The following OGDHL variants were observed in gnomAD, a reference collection of about 807,000 sequenced individuals.
The protein encoded by OGDHL is 2-oxoglutarate dehydrogenase-like, mitochondrial.
Under a neutral mutation model 109.6 loss-of-function variants are expected in OGDHL, and 79 were observed. The observed-to-expected ratio is 0.72, with a 90% confidence interval of 0.60 to 0.87. The LOEUF (loss-of-function observed/expected upper bound fraction) is 0.87. OGDHL is among the 40% of genes least tolerant of loss of function. The pLI is 0.00. For synonymous variants in OGDHL, 528 were observed against 537.2 expected, an observed-to-expected ratio of 0.98 and a Z score of 0.24; for missense variants, 1,275 against 1,362.2, an observed-to-expected ratio of 0.94 and a Z score of 1.01.
rs1841331444 is a variant in OGDHL at position 49,737,968 on chromosome 10, G to A, written c.2496C>T (p.Ile832=). 4 of 1,614,050 alleles carry A rather than the reference G, an allele frequency of 2.5e-6. No individual in the cohort carries two copies. The highest frequency in any genetic ancestry group is 1.7e-5 in the Admixed American group (1 of 60,012). ...ANYFHVLRRQ[I]LLPFRKPLII... is the part of the protein sequence containing the mutation. ...TCACCGGCTTGCGGAAGGGCAGCAGGATCTGCCGGCGCAGCACGTGGAAGT... is the reference window on the plus strand; with the variant it reads ...TCACCGGCTTGCGGAAGGGCAGCAGAATCTGCCGGCGCAGCACGTGGAAGT... The change falls in exon 19 of 23, where the codon ATC becomes ATT. Residue 832 remains isoleucine, a synonymous_variant. Coordinates refer to ENST00000374103, the MANE Select transcript of OGDHL (RefSeq NM_018245.3).
rs151064450 is a variant in OGDHL at position 49,735,750 on chromosome 10, A to G, written c.2909+273T>C. Among the ~76,000 whole-genome samples the G allele has an allele frequency of 1.7e-3, 264 of 152,346 alleles. 1 individual carries two copies. Among genetic ancestry groups the G allele is most frequent in the African/African-American group, 4.1e-3 (169 of 41,576 alleles). On this transcript the variant is annotated intron_variant, in intron 22 of 22. Coordinates refer to ENST00000374103, the MANE Select transcript of OGDHL (RefSeq NM_018245.3). ...TAATACATACATCAGATCTAATCTT[A>G]TCACCGCCCTTTGTAGAGATGCAGG...
Position 49,751,016 on chromosome 10 carries a change from G to A in OGDHL, c.750-31C>T, listed in dbSNP as rs1842552149. ...TGGGGAGAGGATGGGAAGAGGAAAG[G>A]GAAAGGGATGGAGAGGGAGGGGACT... On this transcript the variant is annotated intron_variant, in intron 6 of 22. Coordinates refer to ENST00000374103, the MANE Select transcript of OGDHL (RefSeq NM_018245.3). 3.2e-6 allele frequency: 5 copies of A among 1,555,804 alleles called. No individual in the cohort carries two copies. In the African/African-American group the frequency reaches 6.8e-5, roughly 21 times the overall value.
In OGDHL at chr10:49,756,823, A is replaced by G. The variant is rs546170339; in HGVS notation, c.328T>C (p.Leu110=). ...TGCACAGCCAGGTGGTCCTCCACCA[A>G]TTTGCTGGTCTTGGTCCGACTTGAG... ...AVSSRTKTSK[L]VEDHLAVQSL... is the part of the protein sequence containing the mutation. The change falls in exon 3 of 23, where the codon TTG becomes CTG. Residue 110 remains leucine (L), a synonymous_variant. Coordinates refer to ENST00000374103, the MANE Select transcript of OGDHL (RefSeq NM_018245.3). The G allele has an allele frequency of 6.2e-7, 1 of 1,613,886 alleles. No individual in the cohort carries two copies. The highest frequency in any genetic ancestry group is 1.3e-5 in the African/African-American group (1 of 74,934).
chr10:49,756,866 A>G lies in OGDHL; in HGVS notation c.285T>C (p.His95=), dbSNP rs1190057797. 2 of 1,614,144 alleles carry G rather than the reference A, an allele frequency of 1.2e-6. No homozygotes were observed. The highest frequency in any genetic ancestry group is 1.7e-5 in the Admixed American group (1 of 60,028). ...SAQPRPPSVV[H]ESRSAVSSRT... is the part of the protein sequence containing the mutation. Reference sequence around the variant, plus strand: ...GACTTGAGACTGCAGACCTGCTCTCATGGACAACAGAAGGGGGCCGTGGCT... The same window carrying G: ...GACTTGAGACTGCAGACCTGCTCTCGTGGACAACAGAAGGGGGCCGTGGCT... The change falls in exon 3 of 23, where the codon CAT becomes CAC. Residue 95 remains histidine (H), a synonymous_variant. Transcript: ENST00000374103.
chr10:49,741,668 CCACACATACCACA>C (rs1005014881), intron 15 of OGDHL, among the ~76,000 whole-genome samples: 2 of 149,152 alleles, frequency 1.3e-5, no homozygotes, highest in Non-Finnish European at 3.0e-5. Flanking sequence ...CATACACATG[CCACACATACCACA>C]CACACATACA....
intron 15 of OGDHL, among the ~76,000 whole-genome samples, chr10:49,742,146 ACACACACAT>A (rs1841753753): frequency 1.2e-5 from 1 of 80,070 alleles, no homozygotes; most frequent in African/African-American, 6.9e-5. Context: ...CACCAAACAT[ACACACACAT>A]CACACACACC....
intron 6 of OGDHL, among the ~76,000 whole-genome samples, chr10:49,751,392 C>A (rs1261156234): frequency 6.6e-6 from 1 of 152,156 alleles, no homozygotes; most frequent in African/African-American, 2.4e-5. Context: ...CCACACCTCG[C>A]TGCTCAGGAA....
intron 17 of OGDHL, chr10:49,738,976 C>A (rs186941409): frequency 6.5e-6 from 1 of 153,144 alleles, no homozygotes; most frequent in East Asian, 1.9e-4. Context: ...GGAGCCTCAC[C>A]TCCCTCCTCA....
intron 10 of OGDHL, 140 bp downstream of exon 10, chr10:49,746,610 T>C: frequency 8.8e-7 from 1 of 1,136,038 alleles, no homozygotes; most frequent in Admixed American, 2.5e-5. Flanking sequence ...ACACCAAGGC[T>C]GGAAAGAGCA....
chr10:49,750,899 G>T lies in OGDHL; in HGVS notation c.836C>A (p.Thr279Asn). ...CATCTCGCTGGATTTGTCGATGATGGTCTTGAGGGCAGGAATCATCACTTC... is the reference window on the plus strand; with the variant it reads ...CATCTCGCTGGATTTGTCGATGATGTTCTTGAGGGCAGGAATCATCACTTC... ...GCEVMIPALKTIIDKSSEMGI... is the reference protein window; with the variant it reads ...GCEVMIPALKNIIDKSSEMGI... Residue 279 changes from threonine to asparagine, a missense_variant, in exon 7 of 23, where the codon ACC becomes AAC. By Grantham distance (65) the Thr-to-Asn change is moderately conservative. Transcript: ENST00000374103. 4 of 1,612,712 alleles carry T rather than the reference G, an allele frequency of 2.5e-6. No homozygotes were observed. The highest frequency in any genetic ancestry group is 2.2e-5 in the South Asian group (2 of 90,630).
chr10:49,761,381 A>G (rs1843267143), intron 1 of OGDHL, among the ~76,000 whole-genome samples: 2 of 152,166 alleles, frequency 1.3e-5, no homozygotes, highest in Admixed American at 1.3e-4. Flanking sequence ...ACTACTCCCT[A>G]ATGCACCCAT....
At chr10:49,752,836 C>G (rs1564553893) in intron 3 of OGDHL, 96 bp from the exon 4 acceptor site, 1 of 857,128 alleles carries the variant, frequency 1.2e-6, no homozygotes, top group Non-Finnish European at 1.8e-6. Flanking sequence ...TCTTCCCATT[C>G]CCGAATGTTA....
Position 49,737,823 on chromosome 10 carries a change from G to A in OGDHL, c.2553C>T (p.His851=), listed in dbSNP as rs1323474522. Residue 851 remains histidine, a synonymous_variant, in exon 20 of 23, where the codon CAC becomes CAT. Coordinates refer to ENST00000374103, the MANE Select transcript of OGDHL (RefSeq NM_018245.3). Reference sequence around the variant, plus strand: ...GGTCAAAGCTGGACTTGGCCTCTGGGTGCCTCAGCAGAGATTTAGGTGTGA... The same window carrying A: ...GGTCAAAGCTGGACTTGGCCTCTGGATGCCTCAGCAGAGATTTAGGTGTGA... ...IIFTPKSLLR[H]PEAKSSFDQM... 2 of 1,614,088 alleles carry A rather than the reference G, an allele frequency of 1.2e-6. No homozygotes were observed. Among genetic ancestry groups the A allele is most frequent in the East Asian group, 2.2e-5 (1 of 44,888 alleles).
Position 49,747,710 on chromosome 10 carries a change from T to A in OGDHL, c.988-502A>T, listed in dbSNP as rs746148048. On this transcript the variant is annotated intron_variant, in intron 8 of 22. Coordinates refer to ENST00000374103, the MANE Select transcript of OGDHL (RefSeq NM_018245.3). ...CACCTAAATTCTAGCAAATTTGCCATGGGGGAGCAAACCCACGCCCAGCGA... is the reference window on the plus strand; with the variant it reads ...CACCTAAATTCTAGCAAATTTGCCAAGGGGGAGCAAACCCACGCCCAGCGA... Among the ~76,000 whole-genome samples, 14 of 152,202 alleles carry A rather than the reference T, an allele frequency of 9.2e-5. No individual in the cohort carries two copies. In the Middle Eastern group the frequency reaches 0.01, roughly 111 times the overall value.
chr10:49,750,107 G>A (rs1364200038), intron 7 of OGDHL, among the ~76,000 whole-genome samples: 1 of 152,042 alleles, frequency 6.6e-6, no homozygotes, highest in Non-Finnish European at 1.5e-5. Flanking sequence ...GTCCTGGCAG[G>A]CCAGCCACGA....
chr10:49,748,965 T>C (rs774001250), intron 8 of OGDHL, among the ~76,000 whole-genome samples: 8 of 152,074 alleles, frequency 5.3e-5, no homozygotes, highest in African/African-American at 1.9e-4. Context: ...TCCCAGCACT[T>C]TGGGAGGCCG....
In OGDHL at chr10:49,736,366, G is replaced by A. The variant is rs1841174998; in HGVS notation, c.2745C>T (p.Arg915=). ...AGGGGTTCAGGCACACCTGCTCCAG[G>A]CGCGTGATGGCCACTTTCTCCTCCA... ...QDLEEKVAIT[R]LEQISPFPFD... The change falls in exon 21 of 23, where the codon CGC becomes CGT. Residue 915 remains arginine, a synonymous_variant. Transcript: ENST00000374103. 1 of 1,614,126 alleles carries A rather than the reference G, an allele frequency of 6.2e-7. No individual in the cohort carries two copies. Among genetic ancestry groups the A allele is most frequent in the Non-Finnish European group, 8.5e-7 (1 of 1,180,010 alleles).
rs1211732563 is a variant in OGDHL at position 49,746,734 on chromosome 10, G to T, written c.1296+16C>A. The T allele has an allele frequency of 1.2e-6, 2 of 1,613,590 alleles. No homozygotes were observed. Among genetic ancestry groups the T allele is most frequent in the Admixed American group, 1.7e-5 (1 of 60,000 alleles). Reference sequence around the variant, plus strand: ...TGCTGACGCTGTGAGGCCCAGCGTGGAGCCTACATGCTCACCTGGTTGTTG... The same window carrying T: ...TGCTGACGCTGTGAGGCCCAGCGTGTAGCCTACATGCTCACCTGGTTGTTG... On this transcript the variant is annotated intron_variant, in intron 10 of 22. Coordinates refer to ENST00000374103, the MANE Select transcript of OGDHL (RefSeq NM_018245.3).
At position 49,751,847 on chromosome 10, in the gene OGDHL, G is replaced by A. The variant is rs540411468; in HGVS notation, c.729C>T (p.Ala243=). The change falls in exon 6 of 23, where the codon GCC becomes GCT. Residue 243 remains alanine (A), a synonymous_variant. Transcript: ENST00000374103. ...FSSEEKRTLL[A]RLVRSMRFED... Reference sequence around the variant, plus strand: ...CCAACCTCATGGAGCGCACTAGCCGGGCCAGCAGGGTCCGCTTCTCCTCGC... The same window carrying A: ...CCAACCTCATGGAGCGCACTAGCCGAGCCAGCAGGGTCCGCTTCTCCTCGC... 6.2e-7 allele frequency: 1 copy of A among 1,613,992 alleles called. No individual in the cohort carries two copies. The highest frequency in any genetic ancestry group is 1.1e-5 in the South Asian group (1 of 91,074).
Sources: allele counts gnomAD v4.1 joint callset (sites outside exome capture counted in the v4.1 genomes callset), GRCh38; gene constraint gnomAD v4.1.1; transcripts MANE v1.5; gene names NCBI Gene and HGNC (gene_info 2026-07-23, HGNC 2026-07-21).